Variants in NUMB observed in about 807,000 individuals in gnomAD.
NUMB encodes NUMB endocytic adaptor protein.
NUMB carries 29 observed loss-of-function variants against 59.7 expected under a neutral mutation model. The ratio of observed to expected loss-of-function variants is 0.49; its 90% CI spans 0.36 to 0.66. NUMB has a LOEUF of 0.66. Ranked by LOEUF, NUMB falls within the 30% of genes least tolerant of loss-of-function variation. NUMB has a pLI of 0.00. For synonymous variants in NUMB, 288 were observed against 288.2 expected (o/e 1.00, Z 0.01); for missense variants, 723 against 822.0 (o/e 0.88, Z 1.47).
At chr14:73,315,439 T>C (rs948428668) in intron 6 of NUMB, among the ~76,000 whole-genome samples, 3 of 152,184 alleles carry the variant, frequency 2.0e-5, no homozygotes, top group African/African-American at 7.2e-5. Context: ...TACTGATATG[T>C]GTACAGCCAC....
intron 4 of NUMB, among the ~76,000 whole-genome samples, chr14:73,354,841 A>G (rs1893694130): frequency 6.6e-6 from 1 of 151,138 alleles, no homozygotes; most frequent in African/African-American, 2.4e-5. Context: ...AAAAAAAAGG[A>G]ATATATAGTA....
At chr14:73,311,676 C>T (rs568277708) in intron 6 of NUMB, among the ~76,000 whole-genome samples, 69 of 152,312 alleles carry the variant, frequency 4.5e-4, no homozygotes, top group African/African-American at 1.6e-3. Flanking sequence ...AAAAACACTT[C>T]TTGATTACTG....
At chr14:73,321,531 G>C (rs1412025158) in intron 5 of NUMB, among the ~76,000 whole-genome samples, 1 of 152,056 alleles carries the variant, frequency 6.6e-6, no homozygotes, top group Non-Finnish European at 1.5e-5. Flanking sequence ...TATTATTCTA[G>C]ATAAACCCGG....
chr14:73,345,014 A>AC (rs1892833885), intron 4 of NUMB, among the ~76,000 whole-genome samples: 1 of 152,238 alleles, frequency 6.6e-6, no homozygotes, highest in Non-Finnish European at 1.5e-5. Flanking sequence ...CCGAGGGAAT[A>AC]CAAATTGTTC....
intron 4 of NUMB, among the ~76,000 whole-genome samples, chr14:73,353,495 C>T (rs1268631698): frequency 6.6e-6 from 1 of 150,838 alleles, no homozygotes; most frequent in South Asian, 2.1e-4. Context: ...TATCTATAAA[C>T]GTACTTAAAT....
intron 4 of NUMB, among the ~76,000 whole-genome samples, chr14:73,348,262 G>A (rs1893016089): frequency 6.6e-6 from 1 of 152,194 alleles, no homozygotes; most frequent in Admixed American, 6.5e-5. Flanking sequence ...AAGTGTATGA[G>A]TTGGGGAGGG....
At chr14:73,430,342 T>G (rs891644809) in intron 1 of NUMB, among the ~76,000 whole-genome samples, 2 of 151,716 alleles carry the variant, frequency 1.3e-5, no homozygotes, top group Non-Finnish European at 2.9e-5. Flanking sequence ...TGAATAAGGG[T>G]TTTGGGGCCA....
intron 4 of NUMB, among the ~76,000 whole-genome samples, chr14:73,334,421 T>C (rs1379747211): frequency 2.6e-5 from 4 of 152,186 alleles, no homozygotes; most frequent in African/African-American, 9.7e-5. Flanking sequence ...ATTATTTTCC[T>C]ATATACTCTG....
intron 2 of NUMB, among the ~76,000 whole-genome samples, chr14:73,370,852 T>C (rs1281943194): frequency 6.6e-6 from 1 of 152,252 alleles, no homozygotes; most frequent in East Asian, 1.9e-4. Context: ...ACAACTAAGA[T>C]ACATGAAAAA....
chr14:73,438,265 C>G (rs1208271279), intron 1 of NUMB, among the ~76,000 whole-genome samples: 2 of 152,130 alleles, frequency 1.3e-5, no homozygotes, highest in Admixed American at 6.6e-5. Flanking sequence ...AATAAACGCT[C>G]TAAGTGTGAA....
chr14:73,339,309 C>A (rs1892510176), intron 4 of NUMB, among the ~76,000 whole-genome samples: 1 of 152,056 alleles, frequency 6.6e-6, no homozygotes, highest in Non-Finnish European at 1.5e-5. Flanking sequence ...GGTCTGGTAT[C>A]CTGTTACTTA....
At chr14:73,394,259 A>T (rs187077209) in intron 2 of NUMB, among the ~76,000 whole-genome samples, 34 of 152,346 alleles carry the variant, frequency 2.2e-4, no homozygotes, top group African/African-American at 7.9e-4. Flanking sequence ...AATAAAAATT[A>T]TGTATTTATG....
At chr14:73,366,301 G>C (rs549544848) in intron 3 of NUMB, among the ~76,000 whole-genome samples, 1 of 152,280 alleles carries the variant, frequency 6.6e-6, no homozygotes, top group Non-Finnish European at 1.5e-5. Context: ...ATATTCTTTA[G>C]ATCTAACTTA....
intron 2 of NUMB, among the ~76,000 whole-genome samples, 198 bp from the exon 3 acceptor site, chr14:73,367,179 C>T (rs1478743039): frequency 1.3e-5 from 2 of 151,460 alleles, no homozygotes; most frequent in Non-Finnish European, 2.9e-5. Context: ...GATCCACACA[C>T]TAATGTAGAA....
In NUMB at chr14:73,367,330, C is replaced by CATATAT. The variant is rs369452106; in HGVS notation, c.-100-355_-100-350dup. 6.8e-3 allele frequency among the ~76,000 whole-genome samples: 793 copies of CATATAT among 116,042 alleles called. 4 individuals are homozygous for CATATAT. The highest frequency in any genetic ancestry group is 0.034 in the East Asian group (139 of 4,148). 76.1% of individuals were successfully genotyped at this position (116,042 alleles called of 152,430 possible). A position where few individuals can be genotyped will look rare whatever the true frequency, so the allele number is the denominator to read the frequency against. On this transcript the variant is annotated intron_variant, in intron 2 of 12. Coordinates refer to ENST00000555238, the MANE Select transcript of NUMB (RefSeq NM_001005743.2). The stretch of plus-strand genomic sequence containing the variant: ...ACACACACACACACACACATATATA[C>CATATAT]ATATATATATATATATATAGAGAGA...
At chr14:73,392,921 T>C (rs940733441) in intron 2 of NUMB, among the ~76,000 whole-genome samples, 4 of 152,082 alleles carry the variant, frequency 2.6e-5, no homozygotes, top group African/African-American at 9.7e-5. Context: ...GGGAGTTCTA[T>C]GAAGTCCCAA....
chr14:73,410,303 T>C (rs1896843607), intron 1 of NUMB, among the ~76,000 whole-genome samples: 1 of 152,200 alleles, frequency 6.6e-6, no homozygotes, highest in Non-Finnish European at 1.5e-5. Flanking sequence ...CCTTACATTC[T>C]TAAGAGCTAT....
At chr14:73,328,626 C>A (rs934269799) in intron 4 of NUMB, among the ~76,000 whole-genome samples, 2 of 152,152 alleles carry the variant, frequency 1.3e-5, no homozygotes, top group African/African-American at 4.8e-5. Context: ...GTATCTCTTG[C>A]CATTTTAATT....
intron 2 of NUMB, among the ~76,000 whole-genome samples, chr14:73,370,001 G>A (rs1894582682): frequency 6.6e-6 from 1 of 151,792 alleles, no homozygotes; most frequent in South Asian, 2.1e-4. Context: ...TTGTTGTTTG[G>A]TTTCTTTCAC....
Sources: gnomAD v4.1 joint callset for allele counts (sites outside exome capture counted in the v4.1 genomes callset) on GRCh38, gnomAD v4.1.1 for gene constraint, MANE v1.5 for transcripts, NCBI Gene and HGNC (gene_info 2026-07-23, HGNC 2026-07-21) for gene names.